HS3ST2: variants seen among roughly 807,000 people sequenced by gnomAD.
HS3ST2 encodes heparan sulfate glucosamine 3-O-sulfotransferase 2.
HS3ST2 carries 17 observed loss-of-function variants against 26.3 expected under a neutral mutation model. That is an observed-to-expected ratio of 0.65 (90% CI 0.44 to 0.97). The LOEUF (loss-of-function observed/expected upper bound fraction) is 0.97, where lower values mean the gene tolerates loss of function less well. HS3ST2 is among the 50% of genes least tolerant of loss of function. The probability of loss-of-function intolerance (pLI) is 0.00; values close to 1 mark genes in which losing one functional copy is unlikely to be tolerated. For missense variants in HS3ST2, 402 were observed against 501.2 expected, an observed-to-expected ratio of 0.80 and a Z score of 1.89; for synonymous variants, 237 against 219.2, an observed-to-expected ratio of 1.08 and a Z score of -0.72.
chr16:22,890,530 G>C (rs208618), intron 1 of HS3ST2, among the ~76,000 whole-genome samples: 68,955 of 152,010 alleles, frequency 0.45, 16,217 homozygotes, highest in Admixed American at 0.54. Context: ...CTTGAGGAAG[G>C]CTCTTTTAAT....
At chr16:22,881,542 G>A (rs916831919) in intron 1 of HS3ST2, among the ~76,000 whole-genome samples, 3 of 152,202 alleles carry the variant, frequency 2.0e-5, no homozygotes, top group African/African-American at 4.8e-5. Context: ...AGAGCCAAAA[G>A]AAGCCAGTTG....
At chr16:22,868,999 G>C (rs563209156) in intron 1 of HS3ST2, among the ~76,000 whole-genome samples, 1 of 151,998 alleles carries the variant, frequency 6.6e-6, no homozygotes, top group South Asian at 2.1e-4. Flanking sequence ...GCTGATTTAT[G>C]ATGGGCCTGT....
chr16:22,848,081 C>T lies in HS3ST2; in HGVS notation c.485+32986C>T, dbSNP rs535541048. Among the ~76,000 whole-genome samples, 7 of 152,270 alleles carry T rather than the reference C, an allele frequency of 4.6e-5. No homozygotes were observed. In the South Asian group the frequency reaches 1.0e-3, roughly 23 times the overall value. ...AATTCTTATTTTAATGTGTCCTTTT[C>T]CTTCAACTGGCTGGTAAGCCCCTTA... On this transcript the variant is annotated intron_variant, in intron 1 of 1. Coordinates refer to ENST00000261374, the MANE Select transcript of HS3ST2 (RefSeq NM_006043.2).
intron 1 of HS3ST2, among the ~76,000 whole-genome samples, chr16:22,858,398 C>G (rs1469674363): frequency 6.6e-6 from 1 of 151,240 alleles, no homozygotes; most frequent in Non-Finnish European, 1.5e-5. Flanking sequence ...TACAAGCATG[C>G]ATGTTTTGTT....
chr16:22,908,601 A>G (rs1237460747), intron 1 of HS3ST2, among the ~76,000 whole-genome samples: 5 of 152,184 alleles, frequency 3.3e-5, no homozygotes, highest in Admixed American at 3.3e-4. Context: ...AGGGCATTAC[A>G]TGGGAAGGGG....
At chr16:22,889,781 T>C (rs1902106787) in intron 1 of HS3ST2, among the ~76,000 whole-genome samples, 1 of 152,196 alleles carries the variant, frequency 6.6e-6, no homozygotes, top group South Asian at 2.1e-4. Context: ...ACTAAAATAG[T>C]TTCCAGTGGG....
At chr16:22,894,449 G>A (rs1444663919) in intron 1 of HS3ST2, among the ~76,000 whole-genome samples, 1 of 152,114 alleles carries the variant, frequency 6.6e-6, no homozygotes, top group Non-Finnish European at 1.5e-5. Flanking sequence ...TTCCCAAAAC[G>A]CTCACCGCCA....
At chr16:22,836,620 G>A (rs1216048579) in intron 1 of HS3ST2, among the ~76,000 whole-genome samples, 1 of 151,112 alleles carries the variant, frequency 6.6e-6, no homozygotes, top group African/African-American at 2.4e-5. Context: ...TTTTCAATTA[G>A]TGCTTTAACC....
chr16:22,826,819 G>A (rs911235883), intron 1 of HS3ST2, among the ~76,000 whole-genome samples: 48 of 152,208 alleles, frequency 3.2e-4, no homozygotes, highest in Admixed American at 3.3e-4. Context: ...TATTTATTGA[G>A]CACCTACTGT....
intron 1 of HS3ST2, among the ~76,000 whole-genome samples, chr16:22,896,889 C>G (rs1161587047): frequency 6.6e-6 from 1 of 152,212 alleles, no homozygotes; most frequent in Non-Finnish European, 1.5e-5. Flanking sequence ...TCACTGCAGC[C>G]TTGACTTCCT....
chr16:22,865,093 T>C (rs1371021070), intron 1 of HS3ST2, among the ~76,000 whole-genome samples: 2 of 144,236 alleles, frequency 1.4e-5, no homozygotes, highest in African/African-American at 5.1e-5. Flanking sequence ...AAAACCCTCA[T>C]ATGCACAATA....
chr16:22,879,710 T>A (rs1021107156), intron 1 of HS3ST2, among the ~76,000 whole-genome samples: 1 of 152,164 alleles, frequency 6.6e-6, no homozygotes, highest in African/African-American at 2.4e-5. Context: ...CATCCATCAG[T>A]CTGTCAGCCT....
intron 1 of HS3ST2, among the ~76,000 whole-genome samples, chr16:22,829,821 T>C (rs1901143122): frequency 6.6e-6 from 1 of 152,198 alleles, no homozygotes; most frequent in Non-Finnish European, 1.5e-5. Flanking sequence ...AAGTGTTTGA[T>C]TTTATTATTG....
Position 22,915,732 on chromosome 16 carries a change from A to G in HS3ST2, c.*170A>G. The G allele has an allele frequency of 1.5e-6, 1 of 680,716 alleles. No individual in the cohort carries two copies. The highest frequency in any genetic ancestry group is 2.5e-6 in the Non-Finnish European group (1 of 401,858). 42.2% of individuals were successfully genotyped at this position (680,716 alleles called of 1,614,324 possible). A position where few individuals can be genotyped will look rare whatever the true frequency, so the allele number is the denominator to read the frequency against. On this transcript the variant is annotated 3_prime_UTR_variant, in exon 2 of 2. Coordinates refer to ENST00000261374, the MANE Select transcript of HS3ST2 (RefSeq NM_006043.2). ...CCCAGCTAAAGCCAAGAGACCAGAG[A>G]GTCCCTGCCACTAGTTTTCATCAGT...
intron 1 of HS3ST2, among the ~76,000 whole-genome samples, chr16:22,836,800 C>T (rs1225454205): frequency 2.0e-5 from 3 of 151,972 alleles, no homozygotes; most frequent in Non-Finnish European, 2.9e-5. Context: ...TGCATCACCA[C>T]GCCTGGCTAA....
In HS3ST2 at chr16:22,915,683, T is replaced by C. The variant is rs578107972; in HGVS notation, c.*121T>C. ...CTCCAGCCCCCTTTCCCAACTTGAGTTGCATCATCTTGGAACCAGGAAGCC... is the reference window on the plus strand; with the variant it reads ...CTCCAGCCCCCTTTCCCAACTTGAGCTGCATCATCTTGGAACCAGGAAGCC... On this transcript the variant is annotated 3_prime_UTR_variant, in exon 2 of 2. Transcript: ENST00000261374. The C allele has an allele frequency of 1.2e-4, 131 of 1,076,776 alleles. No homozygotes were observed. Among genetic ancestry groups the C allele is most frequent in the Non-Finnish European group, 1.7e-4 (127 of 743,888 alleles). The allele number at this position is 1,076,776 out of a possible 1,614,324, so 66.7% of individuals were successfully genotyped here.
chr16:22,837,118 A>AC (rs1901268236), intron 1 of HS3ST2, among the ~76,000 whole-genome samples: 2 of 24,214 alleles, frequency 8.3e-5, no homozygotes, highest in Non-Finnish European at 2.0e-4. Flanking sequence ...ATGCCTATAC[A>AC]GTTTTTTTTT....
At chr16:22,896,566 A>G (rs1345610142) in intron 1 of HS3ST2, among the ~76,000 whole-genome samples, 1 of 152,138 alleles carries the variant, frequency 6.6e-6, no homozygotes, top group Non-Finnish European at 1.5e-5. Flanking sequence ...CATCAGCTCA[A>G]TGTTGTGAAT....
intron 1 of HS3ST2, among the ~76,000 whole-genome samples, chr16:22,825,269 T>C (rs1256595603): frequency 6.6e-6 from 1 of 152,170 alleles, no homozygotes; most frequent in African/African-American, 2.4e-5. Flanking sequence ...AATGAACAAT[T>C]ACACATAAAA....
Sources: allele counts gnomAD v4.1 joint callset (sites outside exome capture counted in the v4.1 genomes callset), GRCh38; gene constraint gnomAD v4.1.1; transcripts MANE v1.5; gene names NCBI Gene and HGNC (gene_info 2026-07-23, HGNC 2026-07-21).